The following LYPD6 variants were observed in gnomAD, a reference collection of about 807,000 sequenced individuals.
LYPD6 encodes the protein ly6/PLAUR domain-containing protein 6.
Under a neutral mutation model 22.7 loss-of-function variants are expected in LYPD6, and 15 were observed. The ratio of observed to expected loss-of-function variants is 0.66; its 90% CI spans 0.44 to 1.02. The LOEUF is 1.02. Ranked by LOEUF, LYPD6 falls within the 50% of genes least tolerant of loss-of-function variation. The pLI is 0.00. For synonymous variants in LYPD6, 72 were observed against 77.5 expected, an observed-to-expected ratio of 0.93 and a Z score of 0.37; for missense variants, 189 against 208.4, an observed-to-expected ratio of 0.91 and a Z score of 0.57.
At chr2:149,381,040 G>A (rs1682050632) in intron 1 of LYPD6, among the ~76,000 whole-genome samples, 2 of 152,176 alleles carry the variant, frequency 1.3e-5, no homozygotes, top group East Asian at 3.8e-4. Flanking sequence ...ATTGAGCACC[G>A]TGGACATCAT....
intron 1 of LYPD6, among the ~76,000 whole-genome samples, chr2:149,381,236 T>C (rs1682055445): frequency 6.6e-6 from 1 of 152,180 alleles, no homozygotes; most frequent in African/African-American, 2.4e-5. Context: ...AGGATTCTGT[T>C]TTGTTGTTTG....
intron 1 of LYPD6, among the ~76,000 whole-genome samples, chr2:149,367,184 A>G (rs914783454): frequency 1.3e-5 from 2 of 152,168 alleles, no homozygotes; most frequent in African/African-American, 4.8e-5. Flanking sequence ...CCTGTGCTTC[A>G]GGGTCTATTA....
chr2:149,358,633 C>G (rs1449351175), intron 1 of LYPD6, among the ~76,000 whole-genome samples: 1 of 151,426 alleles, frequency 6.6e-6, no homozygotes, highest in East Asian at 1.9e-4. Context: ...TGGGATAGAC[C>G]CTAATCAGAG....
At chr2:149,459,999 C>T (rs933767022) in intron 3 of LYPD6, among the ~76,000 whole-genome samples, 8 of 151,792 alleles carry the variant, frequency 5.3e-5, no homozygotes, top group African/African-American at 1.9e-4. Flanking sequence ...AATTATGATG[C>T]CAGCAGGATG....
At chr2:149,363,318 T>G (rs1017838472) in intron 1 of LYPD6, among the ~76,000 whole-genome samples, 1 of 152,216 alleles carries the variant, frequency 6.6e-6, no homozygotes, top group South Asian at 2.1e-4. Flanking sequence ...ATACTTGATC[T>G]TCATAATCAC....
intron 1 of LYPD6, among the ~76,000 whole-genome samples, chr2:149,357,024 T>C (rs1211397624): frequency 6.6e-6 from 1 of 152,216 alleles, no homozygotes; most frequent in Non-Finnish European, 1.5e-5. Flanking sequence ...TTTGCTTAAA[T>C]AGGAGCCATT....
chr2:149,400,803 T>G (rs976305658), intron 1 of LYPD6, among the ~76,000 whole-genome samples: 6 of 152,154 alleles, frequency 3.9e-5, no homozygotes, highest in Non-Finnish European at 8.8e-5. Flanking sequence ...AAATGCACTG[T>G]GTGTATGAGA....
At chr2:149,465,360 G>A (rs529535188) in intron 3 of LYPD6, among the ~76,000 whole-genome samples, 1 of 152,296 alleles carries the variant, frequency 6.6e-6, no homozygotes, top group African/African-American at 2.4e-5. Context: ...GAAGTGAAGA[G>A]CTATGTGAAC....
intron 1 of LYPD6, among the ~76,000 whole-genome samples, chr2:149,355,191 A>T (rs550277736): frequency 6.6e-6 from 1 of 152,356 alleles, no homozygotes; most frequent in South Asian, 2.1e-4. Flanking sequence ...TGTGCCCAAG[A>T]GAACTACCAT....
intron 1 of LYPD6, among the ~76,000 whole-genome samples, chr2:149,400,507 G>C (rs1333624852): frequency 6.6e-6 from 1 of 152,118 alleles, no homozygotes; most frequent in Non-Finnish European, 1.5e-5. Context: ...TTGTTTAAAC[G>C]AATGCTGTTT....
At chr2:149,414,068 TG>T (rs1366388560) in intron 1 of LYPD6, among the ~76,000 whole-genome samples, 4 of 152,338 alleles carry the variant, frequency 2.6e-5, no homozygotes, top group African/African-American at 9.6e-5. Context: ...GTGTTGTGTT[TG>T]TATATTTTTA....
At chr2:149,440,884 T>C (rs991098208) in intron 2 of LYPD6, among the ~76,000 whole-genome samples, 5 of 151,754 alleles carry the variant, frequency 3.3e-5, no homozygotes, top group African/African-American at 1.2e-4. Context: ...TTTTTTGTAT[T>C]TTTAGTAGAG....
intron 1 of LYPD6, among the ~76,000 whole-genome samples, chr2:149,351,965 C>T (rs1573735212): frequency 6.6e-6 from 1 of 151,960 alleles, no homozygotes; most frequent in Non-Finnish European, 1.5e-5. Flanking sequence ...TGAGCTGCCC[C>T]TGCCCTGCGC....
intron 1 of LYPD6, among the ~76,000 whole-genome samples, chr2:149,407,602 C>T (rs78236154): frequency 4.6e-5 from 7 of 152,172 alleles, no homozygotes; most frequent in African/African-American, 1.7e-4. Context: ...TTAAGCACTT[C>T]TCTGTATTGG....
At chr2:149,383,720 T>G (rs903792737) in intron 1 of LYPD6, among the ~76,000 whole-genome samples, 1 of 152,228 alleles carries the variant, frequency 6.6e-6, no homozygotes, top group African/African-American at 2.4e-5. Context: ...ACTTTTCAAT[T>G]TAAAGCATTG....
intron 3 of LYPD6, 56 bp downstream of exon 3, chr2:149,449,203 C>G: frequency 4.1e-6 from 5 of 1,212,924 alleles, no homozygotes; most frequent in Middle Eastern, 1.9e-4. Flanking sequence ...GTGAACAGCC[C>G]TTTTGACTTT....
At chr2:149,444,083 G>A (rs756366224) in intron 2 of LYPD6, among the ~76,000 whole-genome samples, 21 of 151,872 alleles carry the variant, frequency 1.4e-4, no homozygotes, top group East Asian at 7.7e-4. Context: ...ACAGGTGTGC[G>A]CCACCACGCC....
chr2:149,381,613 A>G (rs60315027), intron 1 of LYPD6, among the ~76,000 whole-genome samples: 3,405 of 152,294 alleles, frequency 0.022, 99 homozygotes, highest in African/African-American at 0.077. Flanking sequence ...GAAGGAAGAT[A>G]GAACATTGTC....
At chr2:149,333,626 G>C (rs1559115450) in intron 1 of LYPD6, among the ~76,000 whole-genome samples, 1 of 152,170 alleles carries the variant, frequency 6.6e-6, no homozygotes, top group African/African-American at 2.4e-5. Context: ...TTGCCTATTA[G>C]GTACCAGCTC....
Sources: allele counts gnomAD v4.1 joint callset (sites outside exome capture counted in the v4.1 genomes callset), GRCh38; gene constraint gnomAD v4.1.1; transcripts MANE v1.5; gene names NCBI Gene and HGNC (gene_info 2026-07-23, HGNC 2026-07-21).